PADI1: variants seen among roughly 807,000 people sequenced by gnomAD.
PADI1 encodes peptidyl arginine deiminase 1, also known as protein-arginine deiminase type-1.
Under a neutral mutation model 74.8 loss-of-function variants are expected in PADI1, and 65 were observed. The ratio of observed to expected loss-of-function variants is 0.87; its 90% confidence interval spans 0.71 to 1.07. The LOEUF is 1.07. Ranked by LOEUF, PADI1 falls within the 50% of genes least tolerant of loss-of-function variation. The pLI, the probability that PADI1 is intolerant of heterozygous loss-of-function variation, is 0.00. For synonymous variants in PADI1, 371 were observed against 336.2 expected (o/e 1.10, Z -1.13); for missense variants, 943 against 854.0 (o/e 1.10, Z -1.30).
chr1:17,217,436 A>C (rs1372721608), intron 1 of PADI1, among the ~76,000 whole-genome samples: 3 of 152,174 alleles, frequency 2.0e-5, no homozygotes, highest in Admixed American at 2.0e-4. Context: ...CTCTCGGGGA[A>C]GGCTGGGAGA....
chr1:17,243,905 G>T, intron 15 of PADI1, 105 bp from the exon 16 acceptor site: 1 of 764,070 alleles, frequency 1.3e-6, no homozygotes, highest in Admixed American at 2.5e-5. Context: ...CTGTGGCTAT[G>T]GCCAACCCAT....
Position 17,226,077 on chromosome 1 carries a change from G to T in PADI1, c.571G>T (p.Asp191Tyr), listed in dbSNP as rs760951556. The T allele has an allele frequency of 1.9e-6, 3 of 1,614,160 alleles. No homozygotes were observed. The Admixed American group carries it at 5.0e-5, about 27-fold the overall frequency. ...SPMLLSCNGPDKLFDSHKLVL... is the reference protein window; with the variant it reads ...SPMLLSCNGPYKLFDSHKLVL... ...AATGCTGCTGAGCTGCAATGGCCCCGACAAGCTCTTCGACAGCCACAAGCT... is the reference window on the plus strand; with the variant it reads ...AATGCTGCTGAGCTGCAATGGCCCCTACAAGCTCTTCGACAGCCACAAGCT... Residue 191 changes from aspartate to tyrosine, a missense_variant, in exon 6 of 16, where the codon GAC becomes TAC. Transcript: ENST00000375471.
chr1:17,205,426 C>A (rs12135648), intron 1 of PADI1, 117 bp downstream of exon 1: 52,844 of 793,590 alleles, frequency 0.067, 2,046 homozygotes, highest in Middle Eastern at 0.086. Context: ...CAGGAGATAG[C>A]AGAGAAGGTG....
chr1:17,243,790 G>T (rs531392918), intron 15 of PADI1, among the ~76,000 whole-genome samples: 1 of 152,150 alleles, frequency 6.6e-6, no homozygotes, highest in South Asian at 2.1e-4. Context: ...ATTCCTGGTA[G>T]TCCTGGCTGT....
rs551892263 is a variant in PADI1 at position 17,228,875 on chromosome 1, G to T, written c.826-73G>T. 353 of 1,585,734 alleles carry T rather than the reference G, an allele frequency of 2.2e-4. 1 individual carries two copies. In the African/African-American group the frequency reaches 4.1e-3, roughly 18 times the overall value. ...GTTTGCAGGCTCCAGGGCTGGGCAG[G>T]CTGGGGGCTGGGGGGGCTTGAGGCA... is the stretch of plus-strand genomic sequence containing the variant. On this transcript the variant is annotated intron_variant, in intron 7 of 15. Coordinates refer to ENST00000375471, the MANE Select transcript of PADI1 (RefSeq NM_013358.3).
intron 1 of PADI1, among the ~76,000 whole-genome samples, chr1:17,206,170 C>T (rs1417027633): frequency 6.6e-6 from 1 of 152,148 alleles, no homozygotes; most frequent in Non-Finnish European, 1.5e-5. Context: ...ATAGGGGGCT[C>T]GTGGTGGGAG....
Position 17,224,396 on chromosome 1 carries a change from A to G in PADI1, c.376A>G (p.Thr126Ala), listed in dbSNP as rs747382604. ...DISLEVDTGR[T>A]GKVKRSQGDK... is the part of the protein sequence containing the mutation. ...TTCCCTTGAGGTTGACACAGGCCGC[A>G]CAGGCAAGGTGAAGAGGAGCCAAGG... Residue 126 changes from threonine to alanine, a missense_variant, in exon 4 of 16, where the codon ACA becomes GCA. By Grantham distance (58) the Thr-to-Ala change is moderately conservative (BLOSUM62 0). Transcript: ENST00000375471. 3.7e-6 allele frequency: 6 copies of G among 1,614,006 alleles called. No homozygotes were observed. Among genetic ancestry groups the G allele is most frequent in the Non-Finnish European group, 2.5e-6 (3 of 1,179,944 alleles).
intron 10 of PADI1, among the ~76,000 whole-genome samples, chr1:17,232,069 G>C (rs1162794008): frequency 6.6e-6 from 1 of 152,154 alleles, no homozygotes; most frequent in African/African-American, 2.4e-5. Flanking sequence ...CTCCCGAGTA[G>C]CTGGGATTAC....
chr1:17,217,019 AGGGG>A, intron 1 of PADI1, among the ~76,000 whole-genome samples: 1 of 57,772 alleles, frequency 1.7e-5, no homozygotes, highest in African/African-American at 6.4e-5. Context: ...AGGAGAGGAG[AGGGG>A]AGGGAGGGGA....
At chr1:17,240,822 C>A in intron 15 of PADI1, 62 bp downstream of exon 15, 2 of 1,578,666 alleles carry the variant, frequency 1.3e-6, no homozygotes, top group South Asian at 1.2e-5. Context: ...GAAGCACTCC[C>A]TGGCCCAGGG....
At chr1:17,241,085 G>A (rs530849806) in intron 15 of PADI1, among the ~76,000 whole-genome samples, 8 of 152,290 alleles carry the variant, frequency 5.3e-5, no homozygotes, top group Middle Eastern at 3.4e-3. Flanking sequence ...AAAAGAAAGC[G>A]TGGTTTGGTT....
At chr1:17,225,708 A>G in intron 4 of PADI1, 103 bp from the exon 5 acceptor site, 1 of 778,114 alleles carries the variant, frequency 1.3e-6, no homozygotes, top group Middle Eastern at 3.8e-4. Context: ...TAAAAATATG[A>G]AAATCTATAA....
At chr1:17,233,181 G>T (rs3750297) in intron 11 of PADI1, among the ~76,000 whole-genome samples, 1 of 152,180 alleles carries the variant, frequency 6.6e-6, no homozygotes, top group South Asian at 2.1e-4. Flanking sequence ...TGTGGCCTGC[G>T]ATCTTTTGGC....
intron 11 of PADI1, 60 bp from the exon 12 acceptor site, chr1:17,237,254 A>G: frequency 1.3e-6 from 2 of 1,515,992 alleles, no homozygotes; most frequent in East Asian, 2.3e-5. Flanking sequence ...ATGATGACTC[A>G]GGCAAGGCCT....
chr1:17,210,313 C>T (rs192762518), intron 1 of PADI1, among the ~76,000 whole-genome samples: 192 of 152,158 alleles, frequency 1.3e-3, no homozygotes, highest in Non-Finnish European at 6.2e-4. Flanking sequence ...TGAGCCACCG[C>T]GCCCGGCCAA....
intron 8 of PADI1, 54 bp from the exon 9 acceptor site, chr1:17,230,031 C>T (rs2072441255): frequency 2.5e-6 from 4 of 1,569,826 alleles, no homozygotes; most frequent in South Asian, 1.2e-5. Context: ...GCCACTCACA[C>T]CTCAGCCACA....
chr1:17,224,341 G>A (rs1487900614), intron 3 of PADI1, 26 bp from the exon 4 acceptor site: 2 of 1,607,712 alleles, frequency 1.2e-6, no homozygotes, highest in African/African-American at 2.7e-5. Context: ...ATGAGCCCCT[G>A]GCAGCCCCTC....
rs781232324 is a variant in PADI1, at chr1:17,244,147, C to G, written c.1896C>G (p.Asp632Glu). 4 of 1,614,222 alleles carry G rather than the reference C, an allele frequency of 2.5e-6. No homozygotes were observed. The East Asian group carries it at 8.9e-5, about 36-fold the overall frequency. The change falls in exon 16 of 16, where the codon GAC becomes GAG. Residue 632 changes from aspartate to glutamate, a missense_variant. Asp to Glu is a conservative substitution (Grantham distance 45). Transcript: ENST00000375471. ...PLGLHCIFIDDYLSYHELQGE... is the reference protein window; with the variant it reads ...PLGLHCIFIDEYLSYHELQGE... ...GCCTGCACTGCATCTTCATTGATGA[C>G]TACTTGTCCTACCACGAGCTGCAGG...
chr1:17,205,925 G>A lies in PADI1; in HGVS notation c.92+616G>A, dbSNP rs139696678. Among the ~76,000 whole-genome samples, 759 of 152,310 alleles carry A rather than the reference G, an allele frequency of 5.0e-3. 5 individuals carry two copies. Among genetic ancestry groups the A allele is most frequent in the African/African-American group, 0.017 (721 of 41,562 alleles). The stretch of plus-strand genomic sequence containing the variant: ...AACAGTGATGATGGCGATGATGGCG[G>A]TGATGGTGGCAATGATGACATCTGA... On this transcript the variant is annotated intron_variant, in intron 1 of 15. Coordinates refer to ENST00000375471, the MANE Select transcript of PADI1 (RefSeq NM_013358.3).
Sources: gnomAD v4.1 joint callset for allele counts (sites outside exome capture counted in the v4.1 genomes callset) on GRCh38, gnomAD v4.1.1 for gene constraint, MANE v1.5 for transcripts, NCBI Gene and HGNC (gene_info 2026-07-23, HGNC 2026-07-21) for gene names.